Variants in OR51B5 observed in about 807,000 individuals in gnomAD.
OR51B5 encodes the protein olfactory receptor family 51 subfamily B member 5.
For missense variants in OR51B5, 456 were observed against 374.6 expected (o/e 1.22, Z -1.79); for synonymous variants, 186 against 144.8 (o/e 1.28, Z -2.04).
intron 1 of OR51B5, among the ~76,000 whole-genome samples, chr11:5,416,354 T>C (rs1052390521): frequency 1.3e-5 from 2 of 151,874 alleles, no homozygotes; most frequent in African/African-American, 4.8e-5. Flanking sequence ...GCATTCCCTT[T>C]GAAAACTGGC....
chr11:5,366,614 A>T (rs1468993375), intron 1 of OR51B5, among the ~76,000 whole-genome samples: 2 of 150,374 alleles, frequency 1.3e-5, no homozygotes, highest in Non-Finnish European at 2.9e-5. Context: ...TGAGAAAGAA[A>T]TAGAGAAAGA....
At chr11:5,374,033 T>C (rs1156894952) in intron 1 of OR51B5, among the ~76,000 whole-genome samples, 1 of 152,180 alleles carries the variant, frequency 6.6e-6, no homozygotes, top group African/African-American at 2.4e-5. Context: ...CCTCCTCAAG[T>C]GGGTCCCTGA....
At chr11:5,440,585 A>G in intron 1 of OR51B5, 3 of 1,612,724 alleles carry the variant, frequency 1.9e-6, no homozygotes, top group Non-Finnish European at 2.5e-6. Context: ...CCTGGGATTT[A>G]TGGAAGAACT....
At chr11:5,486,788 A>T (rs139499164) in intron 1 of OR51B5, among the ~76,000 whole-genome samples, 6 of 152,248 alleles carry the variant, frequency 3.9e-5, no homozygotes, top group Non-Finnish European at 7.4e-5. Context: ...CTTTTGTCTC[A>T]TAACTTCCTA....
intron 1 of OR51B5, among the ~76,000 whole-genome samples, chr11:5,437,436 A>G (rs1426893319): frequency 6.6e-6 from 1 of 152,154 alleles, no homozygotes; most frequent in Non-Finnish European, 1.5e-5. Flanking sequence ...CAATCCACTT[A>G]GTCCTACACT....
intron 1 of OR51B5, among the ~76,000 whole-genome samples, chr11:5,415,686 T>G (rs1850232641): frequency 6.6e-6 from 1 of 152,034 alleles, no homozygotes; most frequent in Non-Finnish European, 1.5e-5. Context: ...AAGAAATGGA[T>G]AAATTCCTCG....
chr11:5,448,174 AT>A (rs1340061572), intron 1 of OR51B5, among the ~76,000 whole-genome samples: 1 of 152,142 alleles, frequency 6.6e-6, no homozygotes, highest in Non-Finnish European at 1.5e-5. Context: ...TTAACAATTC[AT>A]TAATTTTTCT....
chr11:5,484,594 T>C (rs2133810617), intron 1 of OR51B5, among the ~76,000 whole-genome samples: 2 of 152,296 alleles, frequency 1.3e-5, no homozygotes, highest in Admixed American at 1.3e-4. Flanking sequence ...ATTATGATAA[T>C]ATCTAATTTT....
intron 1 of OR51B5, among the ~76,000 whole-genome samples, chr11:5,364,458 C>G (rs1042370854): frequency 6.6e-6 from 1 of 152,166 alleles, no homozygotes; most frequent in South Asian, 2.1e-4. Flanking sequence ...TTTAGAAATT[C>G]CTGCCATATT....
At chr11:5,456,934 T>C (rs941168940) in intron 1 of OR51B5, among the ~76,000 whole-genome samples, 1 of 152,284 alleles carries the variant, frequency 6.6e-6, no homozygotes, top group Admixed American at 6.5e-5. Context: ...TTAGTCCTCC[T>C]CTGGACATCA....
chr11:5,341,408 G>A (rs1848889807), downstream of OR51B5: 2 of 152,160 alleles, frequency 1.3e-5, no homozygotes, highest in Admixed American at 1.3e-4. Flanking sequence ...ACATTCACAG[G>A]TGCACAATTC....
chr11:5,404,903 C>T (rs925069912), intron 1 of OR51B5, among the ~76,000 whole-genome samples: 6 of 152,186 alleles, frequency 3.9e-5, no homozygotes, highest in Non-Finnish European at 7.3e-5. Flanking sequence ...AAGGAAGAAA[C>T]TCTAGACACA....
Position 5,471,036 on chromosome 11 carries a change from C to G in OR51B5, n.84+34533G>C, listed in dbSNP as rs146166136. ...ATGGATCATAGAAGCTGCAAGACCA[C>G]ATAAGAACTTGTCGTCTTCCAATAA... On this transcript the variant is annotated intron_variant and non_coding_transcript_variant, in intron 1 of 4. Coordinates refer to the OR51B5 transcript ENST00000415970. Among the ~76,000 whole-genome samples, 334 of 152,350 alleles carry G rather than the reference C, an allele frequency of 2.2e-3. 2 individuals are homozygous for G. The highest frequency in any genetic ancestry group is 3.7e-3 in the Non-Finnish European group (252 of 68,028).
intron 1 of OR51B5, among the ~76,000 whole-genome samples, chr11:5,472,021 C>T (rs1251185960): frequency 6.6e-6 from 1 of 152,150 alleles, no homozygotes; most frequent in Non-Finnish European, 1.5e-5. Context: ...CAAAGGTTCC[C>T]TTCTTTTGTT....
chr11:5,448,982 G>T (rs939540106), intron 1 of OR51B5, among the ~76,000 whole-genome samples: 1 of 152,212 alleles, frequency 6.6e-6, no homozygotes. Flanking sequence ...GACAAGAAGA[G>T]TAAAAATAGT....
chr11:5,505,431 T>G, intron 1 of OR51B5: 1 of 1,304,076 alleles, frequency 7.7e-7, no homozygotes, highest in South Asian at 1.2e-5. Flanking sequence ...GGTTTTTCTT[T>G]AATCTGGACA....
At chr11:5,489,312 G>T (rs200185707) in intron 1 of OR51B5, 1 of 1,613,994 alleles carries the variant, frequency 6.2e-7, no homozygotes, top group African/African-American at 1.3e-5. Flanking sequence ...TTGTCTATGG[G>T]CTAACTGTGG....
intron 1 of OR51B5, among the ~76,000 whole-genome samples, chr11:5,456,868 G>A (rs1313644756): frequency 6.6e-6 from 1 of 152,164 alleles, no homozygotes; most frequent in Non-Finnish European, 1.5e-5. Context: ...ATGATAGTGA[G>A]TGAGTTCTCA....
chr11:5,420,765 T>C (rs1850321422), intron 1 of OR51B5, among the ~76,000 whole-genome samples: 1 of 152,200 alleles, frequency 6.6e-6, no homozygotes, highest in Non-Finnish European at 1.5e-5. Context: ...TTTGTGGGAA[T>C]TGAGAGATGA....
Sources: allele counts gnomAD v4.1 joint callset (sites outside exome capture counted in the v4.1 genomes callset), GRCh38; gene constraint gnomAD v4.1.1; transcripts MANE v1.5; gene names NCBI Gene and HGNC (gene_info 2026-07-23, HGNC 2026-07-21).